MRTFB: variants seen among roughly 807,000 people sequenced by gnomAD.
MRTFB encodes the protein myocardin-related transcription factor B.
In MRTFB, 29 loss-of-function variants were observed where a neutral mutation model predicts 104.2. The observed-to-expected ratio is 0.28, with a 90% CI of 0.21 to 0.38. MRTFB has a LOEUF of 0.38. Among genes scored for constraint, MRTFB ranks in the 10% least tolerant of loss-of-function variants. The pLI, the probability that MRTFB is intolerant of heterozygous loss-of-function variation, is 1.00. For synonymous variants in MRTFB, 535 were observed against 519.5 expected, an observed-to-expected ratio of 1.03 and a Z score of -0.41; for missense variants, 1,270 against 1,341.6, an observed-to-expected ratio of 0.95 and a Z score of 0.83.
chr16:14,139,727 CA>C (rs2037899861), intron 2 of MRTFB, among the ~76,000 whole-genome samples: 1 of 152,172 alleles, frequency 6.6e-6, no homozygotes. Flanking sequence ...AAACTGGAAA[CA>C]ACCCAGATGT....
At chr16:14,061,451 C>G in the MRTFB span, among the ~76,000 whole-genome samples, 1 of 151,816 alleles carries the variant, frequency 6.6e-6, no homozygotes, top group Non-Finnish European at 1.5e-5. Flanking sequence ...TTCTATGAAG[C>G]TGGCATCACT....
intron 3 of MRTFB, among the ~76,000 whole-genome samples, chr16:14,178,321 G>C (rs2039654744): frequency 6.6e-6 from 1 of 152,112 alleles, no homozygotes; most frequent in African/African-American, 2.4e-5. Flanking sequence ...GAGGATAGTA[G>C]GGTAGTGTAA....
At chr16:14,187,690 T>A (rs2040007338) in intron 3 of MRTFB, among the ~76,000 whole-genome samples, 1 of 152,212 alleles carries the variant, frequency 6.6e-6, no homozygotes. Flanking sequence ...TAGCCAAACA[T>A]GTGGACATTG....
chr16:14,120,583 C>T (rs902533729), intron 2 of MRTFB, among the ~76,000 whole-genome samples: 1 of 152,208 alleles, frequency 6.6e-6, no homozygotes, highest in Non-Finnish European at 1.5e-5. Context: ...CACCTTATCA[C>T]GTATTCAGTT....
At chr16:14,164,313 C>T (rs963745029) in intron 3 of MRTFB, among the ~76,000 whole-genome samples, 5 of 152,156 alleles carry the variant, frequency 3.3e-5, no homozygotes, top group East Asian at 1.9e-4. Context: ...TGAGTGAGAA[C>T]GTGCAGTATT....
intron 3 of MRTFB, among the ~76,000 whole-genome samples, chr16:14,207,470 C>A (rs1484399994): frequency 1.3e-5 from 2 of 152,196 alleles, no homozygotes; most frequent in African/African-American, 4.8e-5. Flanking sequence ...GTAATAGGAG[C>A]ATCATTTGTT....
At chr16:14,142,795 T>G (rs973885900) in intron 3 of MRTFB, 4 of 152,182 alleles carry the variant, frequency 2.6e-5, no homozygotes, top group Non-Finnish European at 5.9e-5. Flanking sequence ...TCCTTTATGG[T>G]CATTTACAGG....
intron 2 of MRTFB, among the ~76,000 whole-genome samples, chr16:14,107,928 C>T (rs1005204751): frequency 2.8e-4 from 43 of 152,158 alleles, no homozygotes; most frequent in African/African-American, 1.0e-3. Flanking sequence ...TGTCTAGTCC[C>T]AGGTAAGGAC....
intron 3 of MRTFB, chr16:14,193,583 C>A (rs1466482847): frequency 6.6e-6 from 1 of 152,202 alleles, no homozygotes. Context: ...TATCCCTCCC[C>A]CCTCTAGACT....
intron 8 of MRTFB, among the ~76,000 whole-genome samples, chr16:14,231,812 G>C (rs557491570): frequency 6.6e-6 from 1 of 152,138 alleles, no homozygotes; most frequent in Non-Finnish European, 1.5e-5. Context: ...GGTTTGGTAC[G>C]GGAACGGAGG....
chr16:14,035,173 A>G, the MRTFB span, among the ~76,000 whole-genome samples: 2 of 152,198 alleles, frequency 1.3e-5, no homozygotes, highest in Non-Finnish European at 2.9e-5. Flanking sequence ...TAACCCCTGC[A>G]CCAATGCAAG....
intron 10 of MRTFB, 80 bp downstream of exon 10, chr16:14,240,564 A>G (rs2042722920): frequency 1.3e-6 from 2 of 1,599,822 alleles, no homozygotes; most frequent in East Asian, 2.2e-5. Flanking sequence ...CAAAAGTTGA[A>G]TGTTGTCATT....
chr16:13,997,356 C>T, the MRTFB span, among the ~76,000 whole-genome samples: 2 of 152,060 alleles, frequency 1.3e-5, no homozygotes, highest in Admixed American at 6.6e-5. Context: ...TTGAGCCAAT[C>T]CCTTCAGCAG....
At chr16:14,214,703 G>C (rs775727714) in intron 6 of MRTFB, among the ~76,000 whole-genome samples, 3 of 152,182 alleles carry the variant, frequency 2.0e-5, no homozygotes, top group Non-Finnish European at 2.9e-5. Flanking sequence ...ATTACAGATT[G>C]TGAGAAGAGC....
intron 3 of MRTFB, among the ~76,000 whole-genome samples, chr16:14,174,491 T>C (rs2039520387): frequency 6.6e-6 from 1 of 152,252 alleles, no homozygotes; most frequent in South Asian, 2.1e-4. Flanking sequence ...GAGACTAGCC[T>C]GGCCAACATG....
At chr16:14,176,733 G>C (rs141289723) in intron 3 of MRTFB, among the ~76,000 whole-genome samples, 1 of 152,182 alleles carries the variant, frequency 6.6e-6, no homozygotes, top group Admixed American at 6.5e-5. Flanking sequence ...AGTAGAGAGA[G>C]CTATTGAGTG....
chr16:14,046,768 C>T, the MRTFB span, among the ~76,000 whole-genome samples: 2 of 152,180 alleles, frequency 1.3e-5, no homozygotes, highest in African/African-American at 4.8e-5. Context: ...AGCCAGAGAA[C>T]ACGGCTGCAG....
At chr16:14,145,279 GA>G (rs2038252262) in intron 3 of MRTFB, among the ~76,000 whole-genome samples, 1 of 151,822 alleles carries the variant, frequency 6.6e-6, no homozygotes, top group African/African-American at 2.4e-5. Context: ...AATGAATTCA[GA>G]TTTTTTTGGT....
At chr16:14,088,244 T>A (rs1425587040) in intron 2 of MRTFB, among the ~76,000 whole-genome samples, 2 of 152,204 alleles carry the variant, frequency 1.3e-5, no homozygotes, top group Non-Finnish European at 2.9e-5. Flanking sequence ...CATTGAGCCT[T>A]GTGCAATGTC....
Sources: gnomAD v4.1 joint callset for allele counts (sites outside exome capture counted in the v4.1 genomes callset) on GRCh38, gnomAD v4.1.1 for gene constraint, MANE v1.5 for transcripts, NCBI Gene and HGNC (gene_info 2026-07-23, HGNC 2026-07-21) for gene names.